The following BCAR3 variants were observed in gnomAD, a reference collection of about 807,000 sequenced individuals.
The protein encoded by BCAR3 is breast cancer anti-estrogen resistance protein 3.
A neutral mutation model predicts 80.1 loss-of-function variants in BCAR3; 37 were observed. The observed-to-expected ratio is 0.46, with a 90% CI of 0.36 to 0.61. The LOEUF (loss-of-function observed/expected upper bound fraction) is 0.61, where lower values mean the gene tolerates loss of function less well. Among genes scored for constraint, BCAR3 ranks in the 20% least tolerant of loss-of-function variants. The pLI is 0.00. For missense variants in BCAR3, 978 were observed against 1,068.2 expected, an observed-to-expected ratio of 0.92 and a Z score of 1.18; for synonymous variants, 389 against 418.9, an observed-to-expected ratio of 0.93 and a Z score of 0.87.
intron 1 of BCAR3, among the ~76,000 whole-genome samples, chr1:93,680,823 C>T (rs1260458387): frequency 1.3e-5 from 2 of 152,174 alleles, no homozygotes. Flanking sequence ...TCCGCTCAAC[C>T]TCCTCCTCGA....
chr1:93,590,737 T>C (rs1334580287), intron 4 of BCAR3, among the ~76,000 whole-genome samples: 7 of 152,208 alleles, frequency 4.6e-5, no homozygotes, highest in Non-Finnish European at 1.0e-4. Flanking sequence ...TTCTTAGAAT[T>C]GAGCCTGTGA....
chr1:93,708,754 C>T (rs762042905), intron 2 of BCAR3, among the ~76,000 whole-genome samples: 1 of 152,176 alleles, frequency 6.6e-6, no homozygotes, highest in Non-Finnish European at 1.5e-5. Context: ...CTCAATAATC[C>T]CCCAAACACC....
intron 2 of BCAR3, among the ~76,000 whole-genome samples, chr1:93,834,749 C>G (rs1446746984): frequency 1.3e-5 from 2 of 152,330 alleles, no homozygotes; most frequent in East Asian, 3.9e-4. Context: ...ACATCTGATG[C>G]ACATACTTTC....
chr1:93,837,600 C>G (rs1327624899), intron 2 of BCAR3, among the ~76,000 whole-genome samples: 1 of 152,228 alleles, frequency 6.6e-6, no homozygotes, highest in Non-Finnish European at 1.5e-5. Context: ...CAGGATCCAT[C>G]TTGTTGCAGC....
upstream of BCAR3, chr1:93,847,808 G>T (rs61782449): frequency 0.073 from 11,149 of 153,002 alleles, 450 homozygotes; most frequent in South Asian, 0.094. Context: ...TAAGCGGCTC[G>T]CAGGGTCCCG....
At chr1:93,664,926 C>T (rs1454488702) in intron 2 of BCAR3, among the ~76,000 whole-genome samples, 3 of 151,922 alleles carry the variant, frequency 2.0e-5, no homozygotes, top group African/African-American at 7.3e-5. Context: ...GTCCCATCTA[C>T]CCCACCCCCA....
chr1:93,643,545 C>CAAAAAAA, intron 2 of BCAR3, among the ~76,000 whole-genome samples: 1 of 22,304 alleles, frequency 4.5e-5, no homozygotes, highest in Non-Finnish European at 9.7e-5. Flanking sequence ...GACTCTTTCT[C>CAAAAAAA]AAAAAAAAAA....
chr1:93,596,870 A>G (rs918115601), intron 3 of BCAR3, among the ~76,000 whole-genome samples: 17 of 152,200 alleles, frequency 1.1e-4, no homozygotes, highest in Non-Finnish European at 1.9e-4. Context: ...GGCTCCAGCC[A>G]TCCTGAGCTC....
At chr1:93,568,612 A>C (rs1205500945) in intron 9 of BCAR3, among the ~76,000 whole-genome samples, 2 of 152,226 alleles carry the variant, frequency 1.3e-5, no homozygotes, top group East Asian at 3.8e-4. Context: ...TCTTGAAATA[A>C]AACTGGAATT....
chr1:93,623,236 A>G (rs1675365523), intron 3 of BCAR3, among the ~76,000 whole-genome samples: 1 of 152,198 alleles, frequency 6.6e-6, no homozygotes, highest in Non-Finnish European at 1.5e-5. Flanking sequence ...CATTTTATAT[A>G]TGTATCCTGA....
chr1:93,591,505 G>A (rs1218721213), intron 4 of BCAR3, among the ~76,000 whole-genome samples: 1 of 151,930 alleles, frequency 6.6e-6, no homozygotes, highest in Non-Finnish European at 1.5e-5. Flanking sequence ...ACGACATGAT[G>A]CCCTTCCCCC....
At chr1:93,732,681 G>A (rs1050660571) in intron 2 of BCAR3, among the ~76,000 whole-genome samples, 17 of 152,164 alleles carry the variant, frequency 1.1e-4, no homozygotes, top group Non-Finnish European at 2.2e-4. Flanking sequence ...AAAGGACTGA[G>A]AAAAACGACT....
At chr1:93,671,449 T>C (rs1436566652) in intron 2 of BCAR3, among the ~76,000 whole-genome samples, 1 of 152,200 alleles carries the variant, frequency 6.6e-6, no homozygotes, top group East Asian at 1.9e-4. Flanking sequence ...GGCGGCCCAC[T>C]ATCTTCATGC....
chr1:93,585,354 G>A (rs7543734), intron 5 of BCAR3, among the ~76,000 whole-genome samples: 1 of 152,150 alleles, frequency 6.6e-6, no homozygotes, highest in East Asian at 1.9e-4. Context: ...GGCGTGCTGC[G>A]TGTACAAAGT....
chr1:93,637,975 C>T (rs184645768), intron 3 of BCAR3, among the ~76,000 whole-genome samples: 25 of 152,188 alleles, frequency 1.6e-4, no homozygotes, highest in South Asian at 4.2e-4. Context: ...TGGGCTGGGG[C>T]GCGGTGGCTC....
intron 6 of BCAR3, 149 bp downstream of exon 6, chr1:93,583,869 G>C (rs1673829792): frequency 1.4e-6 from 1 of 718,852 alleles, no homozygotes; most frequent in South Asian, 2.0e-5. Flanking sequence ...TTCGCCGCCG[G>C]ATATAATTCT....
intron 3 of BCAR3, among the ~76,000 whole-genome samples, chr1:93,635,943 G>C (rs1313798109): frequency 6.6e-6 from 1 of 152,198 alleles, no homozygotes; most frequent in Non-Finnish European, 1.5e-5. Flanking sequence ...GCCATCTTGA[G>C]CACAAAAAGG....
intron 2 of BCAR3, among the ~76,000 whole-genome samples, chr1:93,833,850 C>T (rs929783098): frequency 6.6e-6 from 1 of 152,128 alleles, no homozygotes; most frequent in Non-Finnish European, 1.5e-5. Context: ...ATATCCTCAG[C>T]TTATGAAGAT....
At chr1:93,642,257 A>G (rs752829655) in intron 3 of BCAR3, 47 bp downstream of exon 3, 24 of 1,589,146 alleles carry the variant, frequency 1.5e-5, no homozygotes, top group Non-Finnish European at 1.9e-5. Flanking sequence ...CAAATGGGAA[A>G]TCTACTACCC....
Sources: allele counts gnomAD v4.1 joint callset (sites outside exome capture counted in the v4.1 genomes callset), GRCh38; gene constraint gnomAD v4.1.1; transcripts MANE v1.5; gene names NCBI Gene and HGNC (gene_info 2026-07-23, HGNC 2026-07-21).